The following NTM variants were observed in gnomAD, a reference collection of about 807,000 sequenced individuals.
NTM encodes IgLON family member 2.
NTM carries 13 observed loss-of-function variants against 42.1 expected under a neutral mutation model. The observed-to-expected ratio is 0.31, with a 90% CI of 0.20 to 0.49. The LOEUF (loss-of-function observed/expected upper bound fraction) is 0.49, where lower values mean the gene tolerates loss of function less well. Ranked by LOEUF, NTM falls within the 20% of genes least tolerant of loss-of-function variation. The pLI, the probability that NTM is intolerant of heterozygous loss-of-function variation, is 0.99. For synonymous variants in NTM, 187 were observed against 179.2 expected (o/e 1.04, Z -0.35); for missense variants, 373 against 452.8 (o/e 0.82, Z 1.60).
At chr11:131,653,209 C>T (rs576359762) in intron 1 of NTM, among the ~76,000 whole-genome samples, 1 of 151,912 alleles carries the variant, frequency 6.6e-6, no homozygotes, top group African/African-American at 2.4e-5. Context: ...TCTTAGGGAC[C>T]TTTTTTTTGA....
At chr11:132,082,834 A>G (rs2059255622) in intron 2 of NTM, among the ~76,000 whole-genome samples, 1 of 152,206 alleles carries the variant, frequency 6.6e-6, no homozygotes, top group Non-Finnish European at 1.5e-5. Flanking sequence ...GATAGCCTGA[A>G]GCCAAGAAAG....
At chr11:131,920,856 G>T (rs781149354) in intron 2 of NTM, among the ~76,000 whole-genome samples, 6 of 152,132 alleles carry the variant, frequency 3.9e-5, no homozygotes, top group Non-Finnish European at 5.9e-5. Context: ...GGTTCATGGA[G>T]TCAAAGGAAG....
At chr11:131,799,973 G>A (rs904040337) in intron 1 of NTM, among the ~76,000 whole-genome samples, 21 of 152,048 alleles carry the variant, frequency 1.4e-4, no homozygotes, top group Non-Finnish European at 2.4e-4. Context: ...TTGAAAATGG[G>A]GAAACAGTAG....
intron 1 of NTM, among the ~76,000 whole-genome samples, chr11:131,709,552 G>A (rs781366265): frequency 6.6e-6 from 1 of 152,154 alleles, no homozygotes; most frequent in Non-Finnish European, 1.5e-5. Context: ...TTTTGGCCTT[G>A]GCACTTGAAA....
chr11:131,900,654 GGA>G (rs1005720874), intron 1 of NTM, among the ~76,000 whole-genome samples: 2 of 151,128 alleles, frequency 1.3e-5, no homozygotes, highest in Non-Finnish European at 2.9e-5. Context: ...AGAGAAAGAG[GGA>G]GAGAGAGAGA....
chr11:131,405,791 C>G (rs1316951990), intron 1 of NTM, among the ~76,000 whole-genome samples: 1 of 152,194 alleles, frequency 6.6e-6, no homozygotes, highest in Non-Finnish European at 1.5e-5. Context: ...TCTTAGAGAC[C>G]CTCATACATC....
At chr11:132,067,577 G>A (rs998404854) in intron 2 of NTM, among the ~76,000 whole-genome samples, 3 of 152,212 alleles carry the variant, frequency 2.0e-5, no homozygotes, top group Admixed American at 2.0e-4. Flanking sequence ...TAGAATAACA[G>A]TTGTAGGCAC....
chr11:132,028,670 C>T (rs1480518763), intron 2 of NTM, among the ~76,000 whole-genome samples: 1 of 152,098 alleles, frequency 6.6e-6, no homozygotes, highest in East Asian at 1.9e-4. Context: ...TGCTTTTCTT[C>T]CCCCGCTCAG....
intron 4 of NTM, among the ~76,000 whole-genome samples, chr11:132,215,119 G>A (rs1267437106): frequency 6.6e-6 from 1 of 152,188 alleles, no homozygotes; most frequent in Non-Finnish European, 1.5e-5. Flanking sequence ...GGATGGGCTT[G>A]GTGTTCCTTG....
chr11:131,867,207 C>A (rs1304783033), intron 1 of NTM, among the ~76,000 whole-genome samples: 3 of 152,214 alleles, frequency 2.0e-5, no homozygotes, highest in Non-Finnish European at 2.9e-5. Flanking sequence ...AGAATGTGGT[C>A]CCACTTACAC....
chr11:131,443,068 T>C (rs995287902), intron 1 of NTM, among the ~76,000 whole-genome samples: 1 of 152,172 alleles, frequency 6.6e-6, no homozygotes, highest in Non-Finnish European at 1.5e-5. Context: ...CTATTTTCCA[T>C]AGAAGGAGAT....
At chr11:131,746,323 G>A (rs754018008) in intron 1 of NTM, among the ~76,000 whole-genome samples, 3 of 152,186 alleles carry the variant, frequency 2.0e-5, no homozygotes, top group Non-Finnish European at 2.9e-5. Flanking sequence ...TTGGACGCAT[G>A]CTGTGCCGCT....
chr11:131,402,068 A>G (rs922619421), intron 1 of NTM, among the ~76,000 whole-genome samples: 2 of 151,196 alleles, frequency 1.3e-5, no homozygotes, highest in African/African-American at 4.9e-5. Context: ...ATGTAGTGCC[A>G]ATTTTGGAAA....
At chr11:131,465,163 G>A (rs1187253956) in intron 1 of NTM, among the ~76,000 whole-genome samples, 2 of 152,174 alleles carry the variant, frequency 1.3e-5, no homozygotes, top group Non-Finnish European at 2.9e-5. Context: ...TCCCATTTGG[G>A]CTTTGCTGGT....
At chr11:131,526,331 G>A (rs184438974) in intron 1 of NTM, among the ~76,000 whole-genome samples, 1 of 152,362 alleles carries the variant, frequency 6.6e-6, no homozygotes, top group Admixed American at 6.5e-5. Context: ...TTGGGCAGGT[G>A]TGGGTCCACA....
chr11:132,100,883 G>A (rs1211462487), intron 2 of NTM, among the ~76,000 whole-genome samples: 3 of 152,172 alleles, frequency 2.0e-5, no homozygotes, highest in African/African-American at 7.2e-5. Flanking sequence ...GAAGACTTCT[G>A]CATAGAAACT....
chr11:131,495,292 C>T (rs777277550), intron 1 of NTM, among the ~76,000 whole-genome samples: 8 of 152,214 alleles, frequency 5.3e-5, no homozygotes, highest in Non-Finnish European at 1.0e-4. Flanking sequence ...CCCACACTCC[C>T]CCGCCCCTGT....
rs113894226 is a variant in NTM, at chr11:132,327,903, T to C, written c.935-2250T>C. On this transcript the variant is annotated intron_variant, in intron 7 of 8. Coordinates refer to ENST00000683400, the MANE Select transcript of NTM (RefSeq NM_001352005.2). ...TTTCCCACCCTCCCTGACCTGTTGT[T>C]AATATACCATTAACAAAGAGATCAA... is the stretch of plus-strand genomic sequence containing the variant. 3.3e-5 allele frequency among the ~76,000 whole-genome samples: 5 copies of C among 151,986 alleles called. 2 individuals are homozygous for C. The highest frequency in any genetic ancestry group is 1.2e-4 in the African/African-American group (5 of 41,364).
At chr11:131,494,078 C>A (rs1020317406) in intron 1 of NTM, among the ~76,000 whole-genome samples, 4 of 152,346 alleles carry the variant, frequency 2.6e-5, no homozygotes, top group East Asian at 1.9e-4. Context: ...CTAGAATGCA[C>A]TTTCCCCTGT....
Sources: gnomAD v4.1 joint callset for allele counts (sites outside exome capture counted in the v4.1 genomes callset) on GRCh38, gnomAD v4.1.1 for gene constraint, MANE v1.5 for transcripts, NCBI Gene and HGNC (gene_info 2026-07-23, HGNC 2026-07-21) for gene names.